Variants in ZNF704 observed in about 807,000 individuals in gnomAD.
The protein encoded by ZNF704 is zinc finger protein 704, also known as glucocorticoid induced gene 1.
Under a neutral mutation model 44.7 loss-of-function variants are expected in ZNF704, and 10 were observed. That is an observed-to-expected ratio of 0.22 (90% CI 0.14 to 0.38). ZNF704 has a LOEUF of 0.38. ZNF704 is among the 10% of genes least tolerant of loss of function. The pLI is 1.00. For missense variants in ZNF704, 390 were observed against 545.5 expected (o/e 0.71, Z 2.84); for synonymous variants, 211 against 207.6 (o/e 1.02, Z -0.14).
At chr8:80,724,541 C>G (rs1489526149) in intron 2 of ZNF704, among the ~76,000 whole-genome samples, 1 of 152,120 alleles carries the variant, frequency 6.6e-6, no homozygotes. Flanking sequence ...ACGGATGATT[C>G]CCCCAAATGT....
chr8:80,642,455 G>GT (rs1466698304), intron 8 of ZNF704, among the ~76,000 whole-genome samples: 2 of 152,202 alleles, frequency 1.3e-5, no homozygotes, highest in African/African-American at 2.4e-5. Context: ...AGTGTAGACA[G>GT]TGTAGATACA....
rs879182787 is a variant in ZNF704, at chr8:80,637,928, TCC to T, written c.*3436_*3437del. 1 of 152,270 alleles carries T rather than the reference TCC, an allele frequency of 6.6e-6. No homozygotes were observed. Among genetic ancestry groups the T allele is most frequent in the African/African-American group, 2.4e-5 (1 of 41,454 alleles). The allele number at this position is 152,270 out of a possible 1,614,324, so 9.4% of individuals were successfully genotyped here. On this transcript the variant is annotated 3_prime_UTR_variant, in exon 9 of 9. Coordinates refer to ENST00000327835, the MANE Select transcript of ZNF704 (RefSeq NM_001033723.3). Reference sequence around the variant, plus strand: ...CCCTGCACTCTTGGCCGGAGGTACTTCCCTTCAGGTCATTCTCTCCTTGCTTC... The same window carrying T: ...CCCTGCACTCTTGGCCGGAGGTACTTCTTCAGGTCATTCTCTCCTTGCTTC...
chr8:80,871,430 AG>A (rs1273469735), intron 1 of ZNF704, among the ~76,000 whole-genome samples: 5 of 152,124 alleles, frequency 3.3e-5, no homozygotes, highest in African/African-American at 1.2e-4. Context: ...CTCATATCTC[AG>A]GTCAAATGTT....
intron 7 of ZNF704, among the ~76,000 whole-genome samples, chr8:80,651,920 A>C (rs968577552): frequency 3.3e-5 from 5 of 152,134 alleles, no homozygotes; most frequent in Non-Finnish European, 7.4e-5. Flanking sequence ...GTTGGAAGTA[A>C]AGCACTCCTC....
chr8:80,630,357 A>T lies in ZNF704; in HGVS notation c.*11009T>A, dbSNP rs1817563539. ...TGTGAATGCCTGTCATTTCCACACG[A>T]GTGTCACACAGGAAGGACTGCTGTT... On this transcript the variant is annotated 3_prime_UTR_variant, in exon 9 of 9. Transcript: ENST00000327835. 1 of 152,208 alleles carries T rather than the reference A, an allele frequency of 6.6e-6. No homozygotes were observed. The highest frequency in any genetic ancestry group is 6.5e-5 in the Admixed American group (1 of 15,280). The allele number at this position is 152,208 out of a possible 1,614,324, so 9.4% of individuals were successfully genotyped here.
intron 1 of ZNF704, among the ~76,000 whole-genome samples, chr8:80,849,018 G>A (rs1808814245): frequency 6.6e-6 from 1 of 152,012 alleles, no homozygotes; most frequent in Non-Finnish European, 1.5e-5. Context: ...CTCATACTGA[G>A]GGATTAAAAA....
chr8:80,845,736 C>T (rs905321661), intron 1 of ZNF704, among the ~76,000 whole-genome samples: 6 of 152,248 alleles, frequency 3.9e-5, no homozygotes, highest in South Asian at 2.1e-4. Flanking sequence ...TGCAAAATTA[C>T]GGCAATCTAG....
At chr8:80,641,563 A>T in intron 8 of ZNF704, 86 bp from the exon 9 acceptor site, 39 of 498,792 alleles carry the variant, frequency 7.8e-5, no homozygotes, top group Non-Finnish European at 1.0e-4. Flanking sequence ...TGCAAGAGTG[A>T]GGGAGGAAAA....
intron 2 of ZNF704, among the ~76,000 whole-genome samples, chr8:80,717,064 T>C (rs1037047224): frequency 6.6e-6 from 1 of 152,238 alleles, no homozygotes; most frequent in African/African-American, 2.4e-5. Flanking sequence ...GCTCCAGTAT[T>C]TAAAGCCTCT....
chr8:80,814,649 T>C (rs2129853773), intron 2 of ZNF704, among the ~76,000 whole-genome samples: 1 of 152,318 alleles, frequency 6.6e-6, no homozygotes, highest in African/African-American at 2.4e-5. Flanking sequence ...AGTGAGTACA[T>C]TTATATTCCC....
rs577583359 is a variant in ZNF704, at chr8:80,645,304, G to A, written c.1033-2175C>T. ...TAAATTTAAAAACCTAGGAGCCAAC[G>A]TGGTCACAGGAATAGCATTGTCACT... On this transcript the variant is annotated intron_variant, in intron 7 of 8. Coordinates refer to ENST00000327835, the MANE Select transcript of ZNF704 (RefSeq NM_001033723.3). The A allele has an allele frequency of 1.1e-4, 90 of 823,866 alleles. No individual in the cohort carries two copies. In the East Asian group the frequency reaches 1.8e-3, roughly 16 times the overall value. The allele number at this position is 823,866 out of a possible 1,614,324, so 51.0% of individuals were successfully genotyped here. A position where few individuals can be genotyped will look rare whatever the true frequency, so the allele number is the denominator to read the frequency against.
intron 1 of ZNF704, among the ~76,000 whole-genome samples, chr8:80,870,023 T>C (rs936949702): frequency 6.6e-6 from 1 of 152,198 alleles, no homozygotes; most frequent in South Asian, 2.1e-4. Flanking sequence ...CAACAATCTA[T>C]GTAAGCTTAC....
At chr8:80,691,419 G>A (rs572038407) in intron 3 of ZNF704, among the ~76,000 whole-genome samples, 4 of 152,234 alleles carry the variant, frequency 2.6e-5, no homozygotes, top group African/African-American at 4.8e-5. Flanking sequence ...TTTTTAATGC[G>A]TGACCTTCTG....
intron 2 of ZNF704, among the ~76,000 whole-genome samples, chr8:80,712,466 G>C (rs747337282): frequency 1.3e-5 from 2 of 152,160 alleles, no homozygotes; most frequent in Non-Finnish European, 1.5e-5. Context: ...TAGAGAACCA[G>C]TTTAGAGACG....
chr8:80,707,551 CTG>C (rs1818916811), intron 2 of ZNF704, among the ~76,000 whole-genome samples: 4 of 152,162 alleles, frequency 2.6e-5, no homozygotes, highest in Non-Finnish European at 5.9e-5. Flanking sequence ...GACACCTGTT[CTG>C]TGTTATTAGG....
chr8:80,821,540 A>C lies in ZNF704; in HGVS notation c.55T>G (p.Ser19Ala). ...GCCAAGGAAAACACGTGTTGATGAG[A>C]CATTTTTTTACCACAGTCACGTTTT... ...DLKRDCGKKMSHQHVFSLAME... is the reference protein window; with the variant it reads ...DLKRDCGKKMAHQHVFSLAME... Residue 19 changes from serine to alanine, a missense_variant, in exon 2 of 9, where the codon TCT becomes GCT. This residue lies in a region of ZNF704 where 80 missense variants were observed against 83.7 expected (regional missense o/e 0.96). Coordinates refer to ENST00000327835, the MANE Select transcript of ZNF704 (RefSeq NM_001033723.3). 1.2e-6 allele frequency: 2 copies of C among 1,614,012 alleles called. No homozygotes were observed. Among genetic ancestry groups the C allele is most frequent in the Non-Finnish European group, 1.7e-6 (2 of 1,179,986 alleles).
intron 2 of ZNF704, among the ~76,000 whole-genome samples, chr8:80,791,400 A>G (rs535394878): frequency 1.3e-5 from 2 of 152,334 alleles, no homozygotes; most frequent in Admixed American, 1.3e-4. Flanking sequence ...TAATCAAAGT[A>G]GGTGAAAAAT....
chr8:80,827,021 T>G (rs772062931), intron 1 of ZNF704, among the ~76,000 whole-genome samples: 1 of 152,118 alleles, frequency 6.6e-6, no homozygotes, highest in Non-Finnish European at 1.5e-5. Context: ...GCACAAGACA[T>G]GGATGCCCTC....
Position 80,821,281 on chromosome 8 carries a change from T to C in ZNF704, c.221+93A>G, listed in dbSNP as rs554917735. ...TGGCAGAAAACCTTTCATATGTCTA[T>C]ATACTGAAGAGAGTCTGTACACTGG... On this transcript the variant is annotated intron_variant, in intron 2 of 8. Coordinates refer to ENST00000327835, the MANE Select transcript of ZNF704 (RefSeq NM_001033723.3). 5.5e-5 allele frequency: 72 copies of C among 1,302,274 alleles called. No homozygotes were observed. The African/African-American group carries it at 7.4e-4, about 13-fold the overall frequency. The allele number at this position is 1,302,274 out of a possible 1,614,324, so 80.7% of individuals were successfully genotyped here.
Sources: allele counts gnomAD v4.1 joint callset (sites outside exome capture counted in the v4.1 genomes callset), GRCh38; gene constraint gnomAD v4.1.1; regional missense constraint gnomAD v4.1.1; transcripts MANE v1.5; gene names NCBI Gene and HGNC (gene_info 2026-07-23, HGNC 2026-07-21).